PPP1R12B: variants seen among roughly 807,000 people sequenced by gnomAD.
PPP1R12B encodes protein phosphatase 1 regulatory subunit 12B.
Under a neutral mutation model 126.1 loss-of-function variants are expected in PPP1R12B, and 76 were observed. The ratio of observed to expected loss-of-function variants is 0.60; its 90% CI spans 0.50 to 0.73. PPP1R12B has a LOEUF of 0.73. Ranked by LOEUF, PPP1R12B falls within the 30% of genes least tolerant of loss-of-function variation. The pLI, the probability that PPP1R12B is intolerant of heterozygous loss-of-function variation, is 0.00. For synonymous variants in PPP1R12B, 356 were observed against 434.7 expected, an observed-to-expected ratio of 0.82 and a Z score of 2.25; for missense variants, 1,052 against 1,205.1, an observed-to-expected ratio of 0.87 and a Z score of 1.88.
intron 13 of PPP1R12B, among the ~76,000 whole-genome samples, chr1:202,458,777 A>T (rs1358246332): frequency 6.6e-6 from 1 of 152,214 alleles, no homozygotes; most frequent in South Asian, 2.1e-4. Context: ...TAATCAGCTC[A>T]TTGTGGAAGC....
At position 202,525,908 on chromosome 1, in the gene PPP1R12B, A is replaced by C. The variant is rs111442194; in HGVS notation, c.2490+29086A>C. ...GAGACGGGCTTTCGCCATGTTGACC[A>C]GGCTGGTCTCAAACTCCTGGCCTCA... On this transcript the variant is annotated intron_variant, in intron 18 of 23. Coordinates refer to ENST00000608999, the MANE Select transcript of PPP1R12B (RefSeq NM_002481.4). Among the ~76,000 whole-genome samples the C allele has an allele frequency of 2.0e-3, 305 of 152,336 alleles. 1 individual carries two copies. Among genetic ancestry groups the C allele is most frequent in the African/African-American group, 7.1e-3 (297 of 41,592 alleles).
Position 202,438,007 on chromosome 1 carries a change from C to T in PPP1R12B, c.1441C>T (p.Leu481=). Residue 481 remains leucine, a synonymous_variant, in exon 10 of 24, where the codon CTG becomes TTG. Transcript: ENST00000608999. Reference sequence around the variant, plus strand: ...TTCAAGCCCTCGGATTTCTGCTCTACTGGACAACAAAGATAAGGTGCAGTT... The same window carrying T: ...TTCAAGCCCTCGGATTTCTGCTCTATTGGACAACAAAGATAAGGTGCAGTT... ...SSSSPRISAL[L]DNKDKERENK... is the part of the protein sequence containing the mutation. 1 of 1,613,964 alleles carries T rather than the reference C, an allele frequency of 6.2e-7. No homozygotes were observed. Among genetic ancestry groups the T allele is most frequent in the Non-Finnish European group, 8.5e-7 (1 of 1,179,946 alleles).
chr1:202,556,826 G>A (rs567121127), intron 18 of PPP1R12B, among the ~76,000 whole-genome samples: 35 of 152,262 alleles, frequency 2.3e-4, no homozygotes, highest in Non-Finnish European at 4.6e-4. Flanking sequence ...TACATTTGCT[G>A]GTATGGAGTT....
intron 13 of PPP1R12B, among the ~76,000 whole-genome samples, chr1:202,481,069 A>G (rs1677295686): frequency 6.6e-6 from 1 of 152,202 alleles, no homozygotes; most frequent in Non-Finnish European, 1.5e-5. Context: ...TGCACAACCT[A>G]GATTCCTGGC....
intron 18 of PPP1R12B, among the ~76,000 whole-genome samples, chr1:202,527,873 G>C (rs1483459121): frequency 6.6e-6 from 1 of 152,152 alleles, no homozygotes; most frequent in Non-Finnish European, 1.5e-5. Flanking sequence ...ACAAAAAGAG[G>C]CTAAGAATTG....
chr1:202,493,033 C>A (rs1679095644), intron 14 of PPP1R12B, 81 bp from the exon 15 acceptor site: 4 of 1,452,750 alleles, frequency 2.8e-6, no homozygotes, highest in Non-Finnish European at 3.8e-6. Flanking sequence ...ACTATTAGGT[C>A]TTTTTGGGAA....
intron 18 of PPP1R12B, among the ~76,000 whole-genome samples, chr1:202,525,340 G>C (rs1021145910): frequency 4.6e-5 from 7 of 152,036 alleles, no homozygotes; most frequent in African/African-American, 1.7e-4. Context: ...TATAGAAAAG[G>C]GAAGAGGGCC....
intron 1 of PPP1R12B, among the ~76,000 whole-genome samples, chr1:202,414,220 C>G (rs886515884): frequency 2.6e-5 from 4 of 152,180 alleles, no homozygotes; most frequent in Non-Finnish European, 5.9e-5. Flanking sequence ...CCATACCCGA[C>G]CTGATAGTTT....
intron 14 of PPP1R12B, 97 bp downstream of exon 14, chr1:202,488,720 T>G: frequency 9.2e-7 from 1 of 1,088,752 alleles, no homozygotes; most frequent in Non-Finnish European, 1.3e-6. Flanking sequence ...CAACTGCTGA[T>G]TTAAACACAC....
At chr1:202,579,540 A>G (rs753323329) in intron 23 of PPP1R12B, among the ~76,000 whole-genome samples, 8 of 152,220 alleles carry the variant, frequency 5.3e-5, no homozygotes, top group Admixed American at 3.3e-4. Flanking sequence ...TTTCAGATGC[A>G]CAGCGTACTT....
chr1:202,438,376 A>C, intron 10 of PPP1R12B: 2 of 748,590 alleles, frequency 2.7e-6, no homozygotes, highest in Non-Finnish European at 4.2e-6. Flanking sequence ...CAGAGGGCCA[A>C]TTCCCGTCCC....
chr1:202,547,906 G>T (rs1157163669), intron 18 of PPP1R12B, among the ~76,000 whole-genome samples: 2 of 152,198 alleles, frequency 1.3e-5, no homozygotes, highest in Admixed American at 1.3e-4. Context: ...AGGGACAAGA[G>T]AGAGAATAGA....
chr1:202,394,348 T>C (rs1444241666), intron 1 of PPP1R12B, among the ~76,000 whole-genome samples: 2 of 152,148 alleles, frequency 1.3e-5, no homozygotes, highest in Admixed American at 1.3e-4. Context: ...GAAAAGTACA[T>C]GTAAGCACAT....
intron 18 of PPP1R12B, among the ~76,000 whole-genome samples, chr1:202,526,891 T>C (rs1157192414): frequency 3.3e-5 from 5 of 152,116 alleles, no homozygotes; most frequent in East Asian, 1.9e-4. Flanking sequence ...TAGTTAGAGC[T>C]GAACAACAAT....
In PPP1R12B at chr1:202,583,966, A is replaced by G. The variant is rs1241100084; in HGVS notation, c.*3406A>G. On this transcript the variant is annotated 3_prime_UTR_variant, in exon 24 of 24. Transcript: ENST00000608999. ...CACCTTTGGAAGTAATGATTTGGCC[A>G]TTCCAGAGATTCTGGGGCTAAAGTT... The G allele has an allele frequency of 6.6e-6, 1 of 152,234 alleles. No homozygotes were observed. Among genetic ancestry groups the G allele is most frequent in the African/African-American group, 2.4e-5 (1 of 41,456 alleles). The allele number at this position is 152,234 out of a possible 1,614,324, so 9.4% of individuals were successfully genotyped here.
At chr1:202,467,915 T>C (rs559600429) in intron 13 of PPP1R12B, among the ~76,000 whole-genome samples, 8 of 152,128 alleles carry the variant, frequency 5.3e-5, no homozygotes, top group African/African-American at 1.9e-4. Context: ...TGATTGCCAT[T>C]CTAACTGGTG....
intron 1 of PPP1R12B, among the ~76,000 whole-genome samples, chr1:202,404,405 T>C (rs1200908584): frequency 2.0e-5 from 3 of 152,180 alleles, no homozygotes; most frequent in African/African-American, 4.8e-5. Flanking sequence ...GCCTATGTTA[T>C]TCTCTTTGCT....
rs1216664878 is a variant in PPP1R12B at position 202,588,940 on chromosome 1, G to GTGAC, written c.*8381_*8384dup. 3.9e-5 allele frequency: 6 copies of GTGAC among 152,102 alleles called. No individual in the cohort carries two copies. Among genetic ancestry groups the GTGAC allele is most frequent in the Non-Finnish European group, 7.3e-5 (5 of 68,028 alleles). The allele number at this position is 152,102 out of a possible 1,614,324, so 9.4% of individuals were successfully genotyped here. A position where few individuals can be genotyped will look rare whatever the true frequency, so the allele number is the denominator to read the frequency against. On this transcript the variant is annotated 3_prime_UTR_variant, in exon 24 of 24. Coordinates refer to ENST00000608999, the MANE Select transcript of PPP1R12B (RefSeq NM_002481.4). ...ATTTCTTGGAAGACACCAGGTTTAA[G>GTGAC]TGACAAAGGTGTTGAGGCCATCCAG...
In PPP1R12B at chr1:202,442,430, C is replaced by T. The variant is rs564691680; in HGVS notation, c.1542-17C>T. ...TGGTAGGAATCAGTGTTTTGTTTTC[C>T]TTTCATGCTTCTACAGAGAATCAGC... On this transcript the variant is annotated splice_polypyrimidine_tract_variant and intron_variant, in intron 11 of 23. Coordinates refer to ENST00000608999, the MANE Select transcript of PPP1R12B (RefSeq NM_002481.4). 165 of 1,601,192 alleles carry T rather than the reference C, an allele frequency of 1.0e-4. No homozygotes were observed. The African/African-American group carries it at 1.8e-3, about 17-fold the overall frequency.
Sources: allele counts gnomAD v4.1 joint callset (sites outside exome capture counted in the v4.1 genomes callset), GRCh38; gene constraint gnomAD v4.1.1; transcripts MANE v1.5; gene names NCBI Gene and HGNC (gene_info 2026-07-23, HGNC 2026-07-21).